Variants in SHANK2 observed in about 807,000 individuals in gnomAD.
The protein encoded by SHANK2 is SH3 and multiple ankyrin repeat domains 2, also known as SH3 and multiple ankyrin repeat domains protein 2.
In SHANK2, 43 loss-of-function variants were observed where a neutral mutation model predicts 133.7. The observed-to-expected ratio is 0.32, with a 90% CI of 0.25 to 0.41. The LOEUF (loss-of-function observed/expected upper bound fraction) is 0.41. Among genes scored for constraint, SHANK2 ranks in the 10% least tolerant of loss-of-function variants. The pLI is 1.00. For synonymous variants in SHANK2, 1,017 were observed against 952.8 expected (o/e 1.07, Z -1.24); for missense variants, 1,994 against 2,235.8 (o/e 0.89, Z 2.18).
chr11:71,137,429 G>C (rs1454487346), intron 3 of SHANK2, among the ~76,000 whole-genome samples: 1 of 152,016 alleles, frequency 6.6e-6, no homozygotes, highest in East Asian at 1.9e-4. Context: ...AGGGGCATCT[G>C]GGCTTTCAAC....
At chr11:71,101,144 G>A (rs782094809) in intron 6 of SHANK2, among the ~76,000 whole-genome samples, 1 of 152,172 alleles carries the variant, frequency 6.6e-6, no homozygotes, top group African/African-American at 2.4e-5. Context: ...AGCTGGAAGT[G>A]AAAGTGCATA....
chr11:70,852,804 C>T (rs1256173028), intron 11 of SHANK2, among the ~76,000 whole-genome samples: 2 of 152,384 alleles, frequency 1.3e-5, no homozygotes, highest in South Asian at 2.1e-4. Context: ...GATCATGCCA[C>T]TGCACTCCAG....
In SHANK2 at chr11:71,109,927, T is replaced by C. The variant is rs1951865999; in HGVS notation, c.592+14A>G. 2 of 1,521,518 alleles carry C rather than the reference T, an allele frequency of 1.3e-6. No individual in the cohort carries two copies. The highest frequency in any genetic ancestry group is 2.5e-5 in the East Asian group (1 of 40,776). 94.3% of individuals were successfully genotyped at this position (1,521,518 alleles called of 1,614,324 possible). On this transcript the variant is annotated intron_variant, in intron 6 of 25. Transcript: ENST00000601538. The stretch of plus-strand genomic sequence containing the variant: ...CCGTAAAGCCTGGTAAGGTCCCCTC[T>C]AGCAAGTGCTCACCTCCGGTCTCCG...
intron 11 of SHANK2, among the ~76,000 whole-genome samples, chr11:70,827,638 GTTTTT>G (rs797024799): frequency 1.8e-5 from 2 of 108,218 alleles, no homozygotes; most frequent in Admixed American, 9.6e-5. Context: ...GTGTGTGTGT[GTTTTT>G]TTTTTTTTTT....
At chr11:70,757,575 G>A (rs988203715) in intron 14 of SHANK2, among the ~76,000 whole-genome samples, 1 of 152,248 alleles carries the variant, frequency 6.6e-6, no homozygotes, top group African/African-American at 2.4e-5. Context: ...GGGTGCCTAC[G>A]TGACAGGATT....
At chr11:70,874,674 T>TAAAAAAAAAAAAAAAAAAAAAAAAA (rs34587004) in intron 11 of SHANK2, among the ~76,000 whole-genome samples, 1 of 114,220 alleles carries the variant, frequency 8.8e-6, no homozygotes. Flanking sequence ...CTGCATTTAC[T>TAAAAAAAAAAAAAAAAAAAAAAAAA]AAAAAAAAAA....
intron 2 of SHANK2, among the ~76,000 whole-genome samples, chr11:71,171,008 G>A (rs920213947): frequency 2.0e-5 from 3 of 152,214 alleles, no homozygotes; most frequent in Non-Finnish European, 1.5e-5. Context: ...ATCAAGGTGC[G>A]GTACAATCAG....
At chr11:70,768,563 A>C (rs1555041942) in intron 14 of SHANK2, among the ~76,000 whole-genome samples, 1 of 152,144 alleles carries the variant, frequency 6.6e-6, no homozygotes, top group South Asian at 2.1e-4. Context: ...GGCCGGAAGG[A>C]GGGGCCATCT....
intron 2 of SHANK2, among the ~76,000 whole-genome samples, chr11:71,159,585 C>T (rs1434541431): frequency 1.1e-4 from 17 of 152,060 alleles, no homozygotes; most frequent in African/African-American, 2.7e-4. Context: ...TAAAACAAGG[C>T]GAGAAAAAAA....
rs2135636814 is a variant in SHANK2 at position 70,468,516 on chromosome 11, A to G, written c.*4353T>C. On this transcript the variant is annotated 3_prime_UTR_variant, in exon 26 of 26. Transcript: ENST00000601538. Reference sequence around the variant, plus strand: ...TTCATGGTTGTCTACAAATACAGAAACACATTCCAGTTCGCCAGTTATTAA... The same window carrying G: ...TTCATGGTTGTCTACAAATACAGAAGCACATTCCAGTTCGCCAGTTATTAA... 6.6e-6 allele frequency: 1 copy of G among 152,364 alleles called. No homozygotes were observed. The highest frequency in any genetic ancestry group is 2.1e-4 in the South Asian group (1 of 4,826). 9.4% of individuals were successfully genotyped at this position (152,364 alleles called of 1,614,324 possible).
chr11:70,540,551 G>A (rs2136024758), intron 17 of SHANK2, among the ~76,000 whole-genome samples: 1 of 112,196 alleles, frequency 8.9e-6, no homozygotes, highest in South Asian at 3.3e-4. Flanking sequence ...TTCACGATTA[G>A]CGACGGGGGG....
chr11:70,522,424 C>T (rs1234203394), intron 17 of SHANK2, among the ~76,000 whole-genome samples: 3 of 152,226 alleles, frequency 2.0e-5, no homozygotes, highest in Admixed American at 2.0e-4. Context: ...CATGGCTGTC[C>T]AGGCACGGGC....
intron 14 of SHANK2, among the ~76,000 whole-genome samples, chr11:70,781,994 C>T (rs1947508204): frequency 6.6e-6 from 1 of 152,064 alleles, no homozygotes; most frequent in Admixed American, 6.5e-5. Flanking sequence ...CCCTCATTCT[C>T]AGCAAACTAT....
intron 17 of SHANK2, among the ~76,000 whole-genome samples, chr11:70,531,180 A>AC (rs1565102461): frequency 6.8e-6 from 1 of 145,992 alleles, no homozygotes; most frequent in Non-Finnish European, 1.5e-5. Flanking sequence ...AAAAAAAAAA[A>AC]ACAAAAAGGC....
intron 2 of SHANK2, among the ~76,000 whole-genome samples, chr11:71,161,942 C>T (rs192483013): frequency 4.5e-4 from 69 of 152,308 alleles, no homozygotes; most frequent in Non-Finnish European, 8.8e-4. Flanking sequence ...CACAGTCTGT[C>T]CACAGGCAGG....
intron 14 of SHANK2, among the ~76,000 whole-genome samples, chr11:70,797,832 T>TACACAC (rs368707688): frequency 0.15 from 21,036 of 141,838 alleles, 1,841 homozygotes; most frequent in African/African-American, 0.24. Context: ...TCCACTCTCA[T>TACACAC]ACACACACAC....
At chr11:71,191,339 C>T (rs79793660) in intron 2 of SHANK2, among the ~76,000 whole-genome samples, 5,807 of 151,986 alleles carry the variant, frequency 0.038, 283 homozygotes, top group East Asian at 0.16. Flanking sequence ...GTACAAAGCC[C>T]GGCAGACAGG....
chr11:70,603,604 C>G (rs1198937916), intron 17 of SHANK2: 1 of 152,372 alleles, frequency 6.6e-6, no homozygotes, highest in East Asian at 1.9e-4. Flanking sequence ...TTGCTTCAGG[C>G]CACACAGCTA....
At chr11:70,783,335 C>G (rs1591840321) in intron 14 of SHANK2, among the ~76,000 whole-genome samples, 1 of 152,112 alleles carries the variant, frequency 6.6e-6, no homozygotes, top group African/African-American at 2.4e-5. Context: ...GGAAGGGCAC[C>G]CACGTTTACA....
Sources: gnomAD v4.1 joint callset for allele counts (sites outside exome capture counted in the v4.1 genomes callset) on GRCh38, gnomAD v4.1.1 for gene constraint, MANE v1.5 for transcripts, NCBI Gene and HGNC (gene_info 2026-07-23, HGNC 2026-07-21) for gene names.